The following SH3RF3 variants were observed in gnomAD, a reference collection of about 807,000 sequenced individuals.
SH3RF3 encodes the protein E3 ubiquitin-protein ligase SH3RF3.
In SH3RF3, 29 loss-of-function variants were observed where a neutral mutation model predicts 66.3. That is an observed-to-expected ratio of 0.44 (90% CI 0.33 to 0.60). The LOEUF (loss-of-function observed/expected upper bound fraction) is 0.60, where lower values mean the gene tolerates loss of function less well. Among genes scored for constraint, SH3RF3 ranks in the 20% least tolerant of loss-of-function variants. SH3RF3 has a pLI of 0.04. For missense variants in SH3RF3, 1,194 were observed against 1,190.9 expected (o/e 1.00, Z -0.04); for synonymous variants, 583 against 532.0 (o/e 1.10, Z -1.32).
At chr2:109,501,120 T>TG (rs1304828805) in intron 9 of SH3RF3, among the ~76,000 whole-genome samples, 12 of 151,658 alleles carry the variant, frequency 7.9e-5, no homozygotes, top group Non-Finnish European at 1.6e-4. Flanking sequence ...ATGGGGCAAA[T>TG]GGGGACACAG....
At chr2:109,192,388 A>G (rs1455342346) in intron 1 of SH3RF3, among the ~76,000 whole-genome samples, 1 of 152,234 alleles carries the variant, frequency 6.6e-6, no homozygotes, top group Middle Eastern at 3.2e-3. Context: ...AATGTGGAGT[A>G]TTTATAGCAT....
At chr2:109,309,021 G>T (rs1681664755) in intron 1 of SH3RF3, among the ~76,000 whole-genome samples, 1 of 85,010 alleles carries the variant, frequency 1.2e-5, no homozygotes, top group African/African-American at 7.6e-5. Context: ...GGGCAGTATG[G>T]CCATTTTCAC....
intron 1 of SH3RF3, among the ~76,000 whole-genome samples, chr2:109,284,706 C>G (rs1395954371): frequency 1.3e-5 from 2 of 152,150 alleles, no homozygotes; most frequent in Admixed American, 1.3e-4. Context: ...CAGTCTAGGC[C>G]AGGCAGATCA....
intron 1 of SH3RF3, among the ~76,000 whole-genome samples, chr2:109,317,947 G>C (rs34219239): frequency 0.27 from 40,612 of 151,912 alleles, 6,058 homozygotes; most frequent in East Asian, 0.65. Context: ...GCACAACTCT[G>C]CCGCTTGTCC....
At chr2:109,158,255 C>T (rs1224767893) in intron 1 of SH3RF3, among the ~76,000 whole-genome samples, 2 of 152,148 alleles carry the variant, frequency 1.3e-5, no homozygotes, top group Non-Finnish European at 2.9e-5. Flanking sequence ...GACAGGAAGT[C>T]CAGGGCCACC....
At chr2:109,256,614 GC>G (rs1680229713) in intron 1 of SH3RF3, among the ~76,000 whole-genome samples, 1 of 152,166 alleles carries the variant, frequency 6.6e-6, no homozygotes, top group African/African-American at 2.4e-5. Flanking sequence ...GAGGGGATTT[GC>G]CAATGGGATT....
chr2:109,232,822 A>G (rs1399651186), intron 1 of SH3RF3, among the ~76,000 whole-genome samples: 1 of 152,200 alleles, frequency 6.6e-6, no homozygotes, highest in Non-Finnish European at 1.5e-5. Flanking sequence ...TGAAAACTAA[A>G]TTTTAATGCA....
intron 8 of SH3RF3, among the ~76,000 whole-genome samples, chr2:109,464,721 T>C (rs965863145): frequency 1.3e-5 from 2 of 152,220 alleles, no homozygotes; most frequent in Non-Finnish European, 1.5e-5. Context: ...AGTCCTCATA[T>C]ACTCCCTGCT....
chr2:109,397,507 A>G (rs1217723789), intron 3 of SH3RF3, among the ~76,000 whole-genome samples: 1 of 152,168 alleles, frequency 6.6e-6, no homozygotes, highest in African/African-American at 2.4e-5. Flanking sequence ...ATAGGTGTGC[A>G]CTTAGGCTGA....
At chr2:109,170,362 T>G (rs983386791) in intron 1 of SH3RF3, among the ~76,000 whole-genome samples, 3 of 151,696 alleles carry the variant, frequency 2.0e-5, no homozygotes, top group Admixed American at 2.0e-4. Flanking sequence ...TTTCTTTCTT[T>G]TTTGACCACA....
chr2:109,436,330 T>C (rs189640235), intron 6 of SH3RF3, among the ~76,000 whole-genome samples: 46 of 152,294 alleles, frequency 3.0e-4, no homozygotes, highest in Admixed American at 1.9e-3. Context: ...GTTCCTCTTG[T>C]GTGAGCTGAT....
chr2:109,279,545 C>T (rs941550009), intron 1 of SH3RF3, among the ~76,000 whole-genome samples: 2 of 152,142 alleles, frequency 1.3e-5, no homozygotes, highest in African/African-American at 4.8e-5. Flanking sequence ...TCCTACAGGT[C>T]AGGGCTGGAA....
intron 1 of SH3RF3, among the ~76,000 whole-genome samples, chr2:109,288,200 T>C (rs1574552031): frequency 6.6e-6 from 1 of 152,316 alleles, no homozygotes; most frequent in South Asian, 2.1e-4. Context: ...CCATTCAGAA[T>C]AGGTGCAAGG....
chr2:109,430,312 C>T (rs1345866126), intron 5 of SH3RF3, among the ~76,000 whole-genome samples: 1 of 152,228 alleles, frequency 6.6e-6, no homozygotes, highest in Non-Finnish European at 1.5e-5. Context: ...AATTGTATTT[C>T]TCTGAGAGCA....
At chr2:109,183,405 A>G (rs1415149682) in intron 1 of SH3RF3, among the ~76,000 whole-genome samples, 1 of 152,230 alleles carries the variant, frequency 6.6e-6, no homozygotes, top group Non-Finnish European at 1.5e-5. Context: ...GTGATTTTGG[A>G]AACAAAGCTC....
At chr2:109,214,137 T>C (rs1420164643) in intron 1 of SH3RF3, among the ~76,000 whole-genome samples, 1 of 152,166 alleles carries the variant, frequency 6.6e-6, no homozygotes, top group East Asian at 1.9e-4. Context: ...GCCCCCATGC[T>C]GCGTCTAGGT....
At chr2:109,465,285 T>C (rs1678311739) in intron 8 of SH3RF3, among the ~76,000 whole-genome samples, 2 of 152,218 alleles carry the variant, frequency 1.3e-5, no homozygotes, top group African/African-American at 4.8e-5. Context: ...TATAAACATC[T>C]TGTGTGGGTT....
chr2:109,144,967 C>A (rs1013881832), intron 1 of SH3RF3, among the ~76,000 whole-genome samples: 2 of 152,208 alleles, frequency 1.3e-5, no homozygotes, highest in Non-Finnish European at 2.9e-5. Context: ...CTCAGGGCAG[C>A]GGGCTCACAC....
chr2:109,372,124 A>G (rs189627976), intron 3 of SH3RF3, among the ~76,000 whole-genome samples: 1 of 152,352 alleles, frequency 6.6e-6, no homozygotes, highest in Non-Finnish European at 1.5e-5. Context: ...GGCCATCTGC[A>G]AAGTCCTCCT....
Sources: gnomAD v4.1 joint callset for allele counts (sites outside exome capture counted in the v4.1 genomes callset) on GRCh38, gnomAD v4.1.1 for gene constraint, MANE v1.5 for transcripts, NCBI Gene and HGNC (gene_info 2026-07-23, HGNC 2026-07-21) for gene names.